The following CYP39A1 variants were observed in gnomAD, a reference collection of about 807,000 sequenced individuals.
CYP39A1 encodes the protein cytochrome P450 family 39 subfamily A member 1, also known as 24-hydroxycholesterol 7-alpha-hydroxylase.
In CYP39A1, 49 loss-of-function variants were observed where a neutral mutation model predicts 58.1. That is an observed-to-expected ratio of 0.84 (90% CI 0.67 to 1.07). The LOEUF (loss-of-function observed/expected upper bound fraction) is 1.07. Ranked by LOEUF, CYP39A1 falls within the 50% of genes least tolerant of loss-of-function variation. The pLI, the probability that CYP39A1 is intolerant of heterozygous loss-of-function variation, is 0.00. For missense variants in CYP39A1, 531 were observed against 539.4 expected, an observed-to-expected ratio of 0.98 and a Z score of 0.16; for synonymous variants, 209 against 187.6, an observed-to-expected ratio of 1.11 and a Z score of -0.93.
At chr6:46,602,409 G>T in intron 7 of CYP39A1, among the ~76,000 whole-genome samples, 1 of 152,132 alleles carries the variant, frequency 6.6e-6, no homozygotes, top group East Asian at 1.9e-4. Flanking sequence ...AGATTGCAGG[G>T]ATCCAAAAGT....
intron 1 of CYP39A1, among the ~76,000 whole-genome samples, chr6:46,650,484 CTTTTTTTTTTTTTTTTTT>C (rs567314746): frequency 5.7e-5 from 2 of 35,174 alleles, no homozygotes; most frequent in South Asian, 1.9e-3. Flanking sequence ...CAGTCATATT[CTTTTTTTTTTTTTTTTTT>C]TTTTTTTTTT....
chr6:46,651,405 A>AT (rs1762679789), intron 1 of CYP39A1, among the ~76,000 whole-genome samples: 1 of 152,212 alleles, frequency 6.6e-6, no homozygotes, highest in Non-Finnish European at 1.5e-5. Context: ...CATTCACATT[A>AT]TATGTTAAAA....
intron 6 of CYP39A1, among the ~76,000 whole-genome samples, chr6:46,628,878 G>C (rs563619645): frequency 6.6e-6 from 1 of 152,322 alleles, no homozygotes; most frequent in East Asian, 1.9e-4. Flanking sequence ...GATAATTTTT[G>C]TAAGGGAAGA....
intron 7 of CYP39A1, among the ~76,000 whole-genome samples, chr6:46,597,415 G>A (rs1179663692): frequency 6.6e-6 from 1 of 151,996 alleles, no homozygotes; most frequent in East Asian, 1.9e-4. Flanking sequence ...AGCAGATAGG[G>A]TTCACAGCTA....
intron 8 of CYP39A1, among the ~76,000 whole-genome samples, chr6:46,594,548 A>G (rs535385581): frequency 2.0e-5 from 3 of 152,244 alleles, no homozygotes; most frequent in Admixed American, 2.0e-4. Context: ...TTCCAAGAAC[A>G]TACAATAGAA....
At chr6:46,636,292 T>C in intron 5 of CYP39A1, 97 bp downstream of exon 5, 2 of 807,420 alleles carry the variant, frequency 2.5e-6, no homozygotes, top group Non-Finnish European at 4.0e-6. Flanking sequence ...ACAAAAATGG[T>C]ATCTAATCAA....
chr6:46,630,285 A>G (rs540450991), intron 6 of CYP39A1, among the ~76,000 whole-genome samples: 47 of 152,252 alleles, frequency 3.1e-4, no homozygotes, highest in African/African-American at 9.9e-4. Flanking sequence ...ATGGGTACAA[A>G]TGGAGAGAAA....
chr6:46,612,322 G>C lies in CYP39A1; in HGVS notation c.931+13096C>G, dbSNP rs77511603. Among the ~76,000 whole-genome samples the C allele has an allele frequency of 4.6e-5, 7 of 152,280 alleles. No individual in the cohort carries two copies. The South Asian group carries it at 1.5e-3, about 32-fold the overall frequency. ...TGCAAGTCTCACCCTAGTCATTATG[G>C]CTAGGTTAGTAGATAGGAAAATCAC... On this transcript the variant is annotated intron_variant, in intron 7 of 11. Coordinates refer to ENST00000275016, the MANE Select transcript of CYP39A1 (RefSeq NM_016593.5).
At chr6:46,594,731 C>A (rs1442123153) in intron 8 of CYP39A1, among the ~76,000 whole-genome samples, 2 of 151,748 alleles carry the variant, frequency 1.3e-5, no homozygotes, top group African/African-American at 2.4e-5. Flanking sequence ...GGGAAAAGAC[C>A]CCATGACAGT....
chr6:46,587,124 C>G lies in CYP39A1; in HGVS notation c.1203G>C (p.Leu401Phe). 1 of 1,612,054 alleles carries G rather than the reference C, an allele frequency of 6.2e-7. No homozygotes were observed. Among genetic ancestry groups the G allele is most frequent in the Non-Finnish European group, 8.5e-7 (1 of 1,179,114 alleles). ...KKANLEKHSFLDCFMAFGSGK... is the reference protein window; with the variant it reads ...KKANLEKHSFFDCFMAFGSGK... ...CGCTTCCAAATGCCATGAAGCAGTCCAAGAAAGAGTGCTTCTCTAAATTTG... is the reference window on the plus strand; with the variant it reads ...CGCTTCCAAATGCCATGAAGCAGTCGAAGAAAGAGTGCTTCTCTAAATTTG... Residue 401 changes from leucine to phenylalanine, a missense_variant, in exon 10 of 12, where the codon TTG becomes TTC. Transcript: ENST00000275016.
rs1774557500 is a variant in CYP39A1, at chr6:46,616,175, CTTTCTTTCTTTCTTCT to C, written c.931+9227_931+9242del. ...TTCTTTCTTTCTTTTTTCTTTCTTTCTTTCTTTCTTTCTTCTTTCCCTCCCTCCCTCCCTCCCTCCC... is the reference window on the plus strand; with the variant it reads ...TTCTTTCTTTCTTTTTTCTTTCTTTCTTCCCTCCCTCCCTCCCTCCCTCCC... On this transcript the variant is annotated intron_variant, in intron 7 of 11. Coordinates refer to ENST00000275016, the MANE Select transcript of CYP39A1 (RefSeq NM_016593.5). Among the ~76,000 whole-genome samples, 7 of 27,874 alleles carry C rather than the reference CTTTCTTTCTTTCTTCT, an allele frequency of 2.5e-4. 1 individual carries two copies. The highest frequency in any genetic ancestry group is 1.1e-3 in the East Asian group (1 of 870). 18.3% of individuals were successfully genotyped at this position (27,874 alleles called of 152,430 possible). A position where few individuals can be genotyped will look rare whatever the true frequency, so the allele number is the denominator to read the frequency against.
intron 7 of CYP39A1, among the ~76,000 whole-genome samples, chr6:46,615,363 T>A (rs1774466859): frequency 6.6e-6 from 1 of 152,000 alleles, no homozygotes. Context: ...TATATACAAA[T>A]ACACTCCTTG....
At chr6:46,627,267 A>T (rs1187161893) in intron 6 of CYP39A1, among the ~76,000 whole-genome samples, 1 of 152,160 alleles carries the variant, frequency 6.6e-6, no homozygotes, top group Non-Finnish European at 1.5e-5. Context: ...GAGCCAAGCC[A>T]TATTACTTAG....
intron 10 of CYP39A1, among the ~76,000 whole-genome samples, chr6:46,576,430 T>C (rs796238078): frequency 3.3e-5 from 5 of 152,330 alleles, no homozygotes; most frequent in African/African-American, 1.2e-4. Context: ...CTGGCAACTC[T>C]GAAAGCCAGA....
chr6:46,560,422 T>C (rs1770913269), intron 10 of CYP39A1, among the ~76,000 whole-genome samples: 1 of 152,198 alleles, frequency 6.6e-6, no homozygotes, highest in African/African-American at 2.4e-5. Context: ...ACATTATACA[T>C]GTGAAGAATA....
intron 4 of CYP39A1, among the ~76,000 whole-genome samples, chr6:46,637,600 C>T (rs1310193183): frequency 6.6e-6 from 1 of 152,102 alleles, no homozygotes; most frequent in Non-Finnish European, 1.5e-5. Flanking sequence ...ATTCTTAATC[C>T]CATCGATCTC....
Position 46,642,144 on chromosome 6 carries a change from A to G in CYP39A1, c.313+19T>C, listed in dbSNP as rs754110916. On this transcript the variant is annotated intron_variant, in intron 2 of 11. Coordinates refer to ENST00000275016, the MANE Select transcript of CYP39A1 (RefSeq NM_016593.5). The stretch of plus-strand genomic sequence containing the variant: ...TCCAATGTTGGATTTCGAATGGACT[A>G]TCTGAAAATATTCTTTACCTGTACG... The G allele has an allele frequency of 5.6e-6, 9 of 1,611,734 alleles. No homozygotes were observed. The highest frequency in any genetic ancestry group is 6.8e-6 in the Non-Finnish European group (8 of 1,178,706).
chr6:46,612,266 G>A lies in CYP39A1; in HGVS notation c.931+13152C>T, dbSNP rs148930463. Among the ~76,000 whole-genome samples, 7 of 152,300 alleles carry A rather than the reference G, an allele frequency of 4.6e-5. No homozygotes were observed. The East Asian group carries it at 1.4e-3, about 29-fold the overall frequency. On this transcript the variant is annotated intron_variant, in intron 7 of 11. Transcript: ENST00000275016. ...AACAGTGGAAGAAATAAAGCTTCCT[G>A]AGAAATCTCTCCTGGGCCAGGTATT...
At chr6:46,618,282 A>G (rs1774741012) in intron 7 of CYP39A1, among the ~76,000 whole-genome samples, 1 of 152,158 alleles carries the variant, frequency 6.6e-6, no homozygotes, top group Admixed American at 6.6e-5. Flanking sequence ...GAACTTGATA[A>G]CTTGAGTAAA....
Sources: allele counts gnomAD v4.1 joint callset (sites outside exome capture counted in the v4.1 genomes callset), GRCh38; gene constraint gnomAD v4.1.1; transcripts MANE v1.5; gene names NCBI Gene and HGNC (gene_info 2026-07-23, HGNC 2026-07-21).